The following SON variants were observed in gnomAD, a reference collection of about 807,000 sequenced individuals.
SON encodes SON DNA and RNA binding protein, also known as protein SON.
SON carries 4 observed loss-of-function variants against 173.3 expected under a neutral mutation model. The ratio of observed to expected loss-of-function variants is 0.02; its 90% CI spans 0.01 to 0.05. The LOEUF (loss-of-function observed/expected upper bound fraction) is 0.05. SON is among the 10% of genes least tolerant of loss of function. The pLI, the probability that SON is intolerant of heterozygous loss-of-function variation, is 1.00. For synonymous variants in SON, 1,190 were observed against 1,105.9 expected (o/e 1.08, Z -1.51); for missense variants, 2,626 against 3,055.3 (o/e 0.86, Z 3.31).
chr21:33,546,469 T>A, intron 2 of SON, 90 bp downstream of exon 2: 3 of 1,030,178 alleles, frequency 2.9e-6, no homozygotes, highest in Non-Finnish European at 4.3e-6. Flanking sequence ...ACTTCAGTAT[T>A]TAAGATATTT....
intron 7 of SON, among the ~76,000 whole-genome samples, chr21:33,567,711 A>G (rs2086201900): frequency 6.6e-6 from 1 of 152,240 alleles, no homozygotes; most frequent in South Asian, 2.1e-4. Context: ...TCAGGAGTTC[A>G]AGACCAGCCT....
In SON at chr21:33,569,066, T is replaced by C. The variant is rs202207305; in HGVS notation, c.6864T>C (p.Gly2288=). ...VLTQEQLANT[G]AQAWIKKDQF... ...CACAAGAACAGTTGGCCAATACTGG[T>C]GCCCAAGCCTGGATTAAAAAGGTAC... The change falls in exon 8 of 12, where the codon GGT becomes GGC. Residue 2288 remains glycine, a synonymous_variant. Transcript: ENST00000356577. The C allele has an allele frequency of 2.2e-4, 356 of 1,604,650 alleles. No individual in the cohort carries two copies. Among genetic ancestry groups the C allele is most frequent in the Non-Finnish European group, 2.9e-4 (343 of 1,171,556 alleles).
intron 1 of SON, among the ~76,000 whole-genome samples, chr21:33,545,883 C>G (rs2085602651): frequency 6.6e-6 from 1 of 152,158 alleles, no homozygotes; most frequent in Non-Finnish European, 1.5e-5. Flanking sequence ...TGTGACCGGG[C>G]TCTTATTAAT....
intron 6 of SON, among the ~76,000 whole-genome samples, chr21:33,563,292 C>A (rs1419067831): frequency 2.0e-5 from 3 of 152,078 alleles, no homozygotes; most frequent in Non-Finnish European, 4.4e-5. Context: ...TTGTATGATA[C>A]AATAAAAAGA....
Position 33,550,401 on chromosome 21 carries a change from C to T in SON, c.1170C>T (p.Ser390=). 2 of 1,613,430 alleles carry T rather than the reference C, an allele frequency of 1.2e-6. No individual in the cohort carries two copies. Among genetic ancestry groups the T allele is most frequent in the African/African-American group, 1.3e-5 (1 of 74,842 alleles). Residue 390 remains serine, a synonymous_variant, in exon 3 of 12, where the codon TCC becomes TCT. Coordinates refer to ENST00000356577, the MANE Select transcript of SON (RefSeq NM_138927.4). ...AMELPGPPAT[S]MPELQGPPVT... ...AGTTGCCGGGGCCACCTGCGACCTCCATGCCGGAGTTGCAGGGGCCCCCTG... is the reference window on the plus strand; with the variant it reads ...AGTTGCCGGGGCCACCTGCGACCTCTATGCCGGAGTTGCAGGGGCCCCCTG...
chr21:33,543,499 C>T, intron 1 of SON: 1 of 329,612 alleles, frequency 3.0e-6, no homozygotes. Flanking sequence ...GGGCCTAGTT[C>T]CTTCCTCAGC....
At position 33,546,269 on chromosome 21, in the gene SON, A is replaced by C. The variant is rs775890214; in HGVS notation, c.134A>C (p.Gln45Pro). 12 of 1,613,824 alleles carry C rather than the reference A, an allele frequency of 7.4e-6. No homozygotes were observed. In the Admixed American group the frequency reaches 1.0e-4, roughly 13 times the overall value. Reference sequence around the variant, plus strand: ...ACAAATACACCCATTGAAGGAAACCAGGCGGGTGATGCAGCTGCCTCTGCC... The same window carrying C: ...ACAAATACACCCATTGAAGGAAACCCGGCGGGTGATGCAGCTGCCTCTGCC... Reference protein sequence around the residue: ...GETNTPIEGNQAGDAAASARS... With the variant: ...GETNTPIEGNPAGDAAASARS... Residue 45 changes from glutamine (Q) to proline (P), a missense_variant, in exon 2 of 12, where the codon CAG becomes CCG. Physicochemically the swap from Gln to Pro is moderately conservative, Grantham distance 76. Transcript: ENST00000356577.
chr21:33,572,671 A>G (rs749181544), intron 8 of SON: 6 of 1,035,978 alleles, frequency 5.8e-6, no homozygotes, highest in South Asian at 2.7e-5. Context: ...GTCTTTTAAC[A>G]TCAAGCTAGG....
Position 33,560,091 on chromosome 21 carries a change from G to A in SON, c.6657+316G>A, listed in dbSNP as rs1013825474. 3.1e-6 allele frequency: 5 copies of A among 1,613,986 alleles called. No homozygotes were observed. The highest frequency in any genetic ancestry group is 3.4e-6 in the Non-Finnish European group (4 of 1,179,918). ...CCAAGGTACAACTATTTAGCTTCCCGATTTGCTTCAAGGCTCTATAGCTCT... is the reference window on the plus strand; with the variant it reads ...CCAAGGTACAACTATTTAGCTTCCCAATTTGCTTCAAGGCTCTATAGCTCT... On this transcript the variant is annotated intron_variant, in intron 6 of 11. Coordinates refer to ENST00000356577, the MANE Select transcript of SON (RefSeq NM_138927.4).
At chr21:33,564,102 A>G (rs2086119334) in intron 6 of SON, among the ~76,000 whole-genome samples, 1 of 152,214 alleles carries the variant, frequency 6.6e-6, no homozygotes, top group African/African-American at 2.4e-5. Flanking sequence ...TGGTAATAGT[A>G]TTCTACAGAT....
chr21:33,574,367 G>C (rs2086353021), intron 9 of SON, among the ~76,000 whole-genome samples: 1 of 152,200 alleles, frequency 6.6e-6, no homozygotes, highest in South Asian at 2.1e-4. Flanking sequence ...ATACTTTGAT[G>C]TTAAGTATTG....
Position 33,575,470 on chromosome 21 carries a change from C to T in SON, c.7034-126C>T, listed in dbSNP as rs942932673. On this transcript the variant is annotated intron_variant, in intron 9 of 11. Coordinates refer to ENST00000356577, the MANE Select transcript of SON (RefSeq NM_138927.4). The stretch of plus-strand genomic sequence containing the variant: ...AGAAAGAGAAGATTGATAGAGAAAT[C>T]GAGTGTACTAGGAATCTGCTGATTT... The T allele has an allele frequency of 5.1e-5, 27 of 524,364 alleles. No homozygotes were observed. The East Asian group carries it at 6.3e-4, about 12-fold the overall frequency. 32.5% of individuals were successfully genotyped at this position (524,364 alleles called of 1,614,324 possible).
At chr21:33,570,790 TACAGAG>T (rs1173450992) in intron 8 of SON, among the ~76,000 whole-genome samples, 1 of 152,202 alleles carries the variant, frequency 6.6e-6, no homozygotes, top group Non-Finnish European at 1.5e-5. Context: ...AGGCACATAA[TACAGAG>T]TCATGTACAC....
At position 33,551,319 on chromosome 21, in the gene SON, G is replaced by C. The variant is rs578078467; in HGVS notation, c.2088G>C (p.Val696=). 5.0e-6 allele frequency: 8 copies of C among 1,614,108 alleles called. No homozygotes were observed. Among genetic ancestry groups the C allele is most frequent in the African/African-American group, 1.3e-5 (1 of 75,012 alleles). The stretch of plus-strand genomic sequence containing the variant: ...CACAGGAGCTGCCTACTACATTAGT[G>C]GGGGAGACTTCTGTAACAGTAGGAG... ...TVAQELPTTL[V]GETSVTVGVD... The change falls in exon 3 of 12, where the codon GTG becomes GTC. Residue 696 remains valine (V), a synonymous_variant. Coordinates refer to ENST00000356577, the MANE Select transcript of SON (RefSeq NM_138927.4).
rs1467907292 is a variant in SON, at chr21:33,550,085, A to T, written c.854A>T (p.Glu285Val). The T allele has an allele frequency of 1.9e-6, 3 of 1,614,176 alleles. No individual in the cohort carries two copies. The highest frequency in any genetic ancestry group is 1.7e-6 in the Non-Finnish European group (2 of 1,180,042). ...AAATCTGTGGAGAGCACATCTCCAG[A>T]GCCATCAAAGATCATGTTGGTAGAG... ...VLKSVESTSP[E>V]PSKIMLVEPP... Residue 285 changes from glutamate (E) to valine (V), a missense_variant, in exon 3 of 12, where the codon GAG (glutamate) becomes GTG (valine). Transcript: ENST00000356577.
In SON at chr21:33,555,241, G is replaced by A. The variant is rs1353929129; in HGVS notation, c.6010G>A (p.Val2004Met). ...TPSRRRRSRS[V>M]VRRRSFSISP... is the part of the protein sequence containing the mutation. ...AAGCCGCCGGAGAAGATCAAGGTCT[G>A]TGGTAAGAAGACGAAGCTTCAGTAT... Residue 2004 changes from valine (V) to methionine (M), a missense_variant, in exon 3 of 12, where the codon GTG (valine) becomes ATG (methionine). By Grantham distance (21) the Val-to-Met change is conservative. Around this residue, in one of 13 missense-constraint regions of SON, gnomAD observed 138 missense variants for 222.9 expected, o/e 0.62. Transcript: ENST00000356577. The A allele has an allele frequency of 1.2e-6, 2 of 1,611,588 alleles. No homozygotes were observed. Among genetic ancestry groups the A allele is most frequent in the South Asian group, 1.1e-5 (1 of 90,800 alleles).
chr21:33,546,560 ACC>A, intron 2 of SON, 181 bp downstream of exon 2: 1 of 421,996 alleles, frequency 2.4e-6, no homozygotes, highest in Non-Finnish European at 4.2e-6. Flanking sequence ...TGGGTGGATC[ACC>A]TGAGGTCAGG....
rs776747230 is a variant in SON, at chr21:33,549,508, G to A, written c.277G>A (p.Val93Ile). 3 of 1,552,718 alleles carry A rather than the reference G, an allele frequency of 1.9e-6. No individual in the cohort carries two copies. Among genetic ancestry groups the A allele is most frequent in the South Asian group, 1.3e-5 (1 of 79,024 alleles). ...LKEGSRKSRC[V>I]SVQTDPTDEI... ...AGAGGGCTCCAGAAAAAGTAGATGC[G>A]TATCTGTACAAACAGATCCTACTGA... Residue 93 changes from valine to isoleucine, a missense_variant, in exon 3 of 12, where the codon GTA becomes ATA. By Grantham distance (29) the Val-to-Ile change is conservative. Transcript: ENST00000356577.
In SON at chr21:33,544,851, C is replaced by T. The variant is rs1411893033; in HGVS notation, c.78-1362C>T. On this transcript the variant is annotated intron_variant, in intron 1 of 11. Transcript: ENST00000356577. Reference sequence around the variant, plus strand: ...AATTTGTCATAATTATGTATAAATGCTTAGGAAAATTGTAAAATAAAGTGC... The same window carrying T: ...AATTTGTCATAATTATGTATAAATGTTTAGGAAAATTGTAAAATAAAGTGC... Among the ~76,000 whole-genome samples, 3 of 152,180 alleles carry T rather than the reference C, an allele frequency of 2.0e-5. No individual in the cohort carries two copies. In the East Asian group the frequency reaches 5.8e-4, roughly 29 times the overall value.
Sources: allele counts gnomAD v4.1 joint callset (sites outside exome capture counted in the v4.1 genomes callset), GRCh38; gene constraint gnomAD v4.1.1; regional missense constraint gnomAD v4.1.1; transcripts MANE v1.5; gene names NCBI Gene and HGNC (gene_info 2026-07-23, HGNC 2026-07-21).